MMD2: variants seen among roughly 807,000 people sequenced by gnomAD.
The protein encoded by MMD2 is monocyte to macrophage differentiation factor 2.
MMD2 carries 30 observed loss-of-function variants against 33.5 expected under a neutral mutation model. The observed-to-expected ratio is 0.90, with a 90% confidence interval of 0.67 to 1.22. MMD2 has a LOEUF of 1.22. Ranked by LOEUF, MMD2 falls within the 50% of genes most tolerant of loss-of-function variation. The probability of loss-of-function intolerance (pLI) is 0.00; values close to 1 mark genes in which losing one functional copy is unlikely to be tolerated. For missense variants in MMD2, 364 were observed against 325.4 expected (o/e 1.12, Z -0.91); for synonymous variants, 129 against 123.0 (o/e 1.05, Z -0.32).
chr7:4,896,532 T>C, the MMD2 span, among the ~76,000 whole-genome samples: 2 of 152,032 alleles, frequency 1.3e-5, no homozygotes, highest in African/African-American at 4.8e-5. Flanking sequence ...CCCAGCTGGG[T>C]CCCTAGCCAG....
intron 1 of MMD2, among the ~76,000 whole-genome samples, chr7:4,956,011 C>T (rs1318417386): frequency 6.6e-6 from 1 of 152,086 alleles, no homozygotes; most frequent in Non-Finnish European, 1.5e-5. Flanking sequence ...AGAGATTGCG[C>T]CATTGCACTC....
At position 4,909,887 on chromosome 7, in the gene MMD2, G is replaced by A. The variant is rs766896085; in HGVS notation, c.531C>T (p.Leu177=). ...VMGFFPALVI[L]SMPNTEGIWE... Reference sequence around the variant, plus strand: ...CAGGGCTGGCAGCACTTACCATGGAGAGGATGACCAGGGCGGGGAAGAAGC... The same window carrying A: ...CAGGGCTGGCAGCACTTACCATGGAAAGGATGACCAGGGCGGGGAAGAAGC... The change falls in exon 6 of 7, where the codon CTC becomes CTT. Residue 177 remains leucine, a synonymous_variant. Coordinates refer to ENST00000401401, the MANE Select transcript of MMD2 (RefSeq NM_198403.4). 15 of 1,612,666 alleles carry A rather than the reference G, an allele frequency of 9.3e-6. No homozygotes were observed. The Admixed American group carries it at 2.3e-4, about 25-fold the overall frequency.
chr7:4,952,484 C>G (rs889491323), intron 1 of MMD2, among the ~76,000 whole-genome samples: 3 of 152,212 alleles, frequency 2.0e-5, no homozygotes, highest in African/African-American at 7.2e-5. Context: ...ATAGGCCGGG[C>G]GGCCACTGCC....
chr7:4,935,376 T>C (rs1785710035), intron 1 of MMD2, among the ~76,000 whole-genome samples: 2 of 149,824 alleles, frequency 1.3e-5, no homozygotes, highest in Admixed American at 6.7e-5. Flanking sequence ...TACTGACGAC[T>C]GGGCTCCACA....
At chr7:4,921,846 C>T (rs978910189) in intron 2 of MMD2, among the ~76,000 whole-genome samples, 1 of 152,140 alleles carries the variant, frequency 6.6e-6, no homozygotes, top group Non-Finnish European at 1.5e-5. Flanking sequence ...CCTTCAGCCA[C>T]CCACATGTCC....
the MMD2 span, among the ~76,000 whole-genome samples, chr7:4,894,394 G>A: frequency 6.6e-6 from 1 of 152,158 alleles, no homozygotes; most frequent in East Asian, 1.9e-4. This position sits in a 1 kb window ranked among gnomAD's most constrained non-coding sequence, Gnocchi z 4.3. Flanking sequence ...TCTGATCCTG[G>A]AGGGACTACC....
chr7:4,957,640 A>C, intron 1 of MMD2, among the ~76,000 whole-genome samples: 1 of 144,138 alleles, frequency 6.9e-6, no homozygotes, highest in Non-Finnish European at 1.6e-5. Context: ...CAAGAGCGAG[A>C]CTCCATCTCA....
At chr7:4,932,281 AG>A (rs1785609059) in intron 1 of MMD2, among the ~76,000 whole-genome samples, 1 of 152,184 alleles carries the variant, frequency 6.6e-6, no homozygotes, top group Admixed American at 6.6e-5. Flanking sequence ...CAAACGACCA[AG>A]AAACAGTGTT....
chr7:4,917,105 C>T (rs1435091273), intron 3 of MMD2, among the ~76,000 whole-genome samples: 1 of 152,022 alleles, frequency 6.6e-6, no homozygotes, highest in Non-Finnish European at 1.5e-5. Context: ...AAATTACGTG[C>T]CCCTCAAGAC....
At chr7:4,923,309 G>A (rs1785334508) in intron 2 of MMD2, among the ~76,000 whole-genome samples, 1 of 152,002 alleles carries the variant, frequency 6.6e-6, no homozygotes, top group South Asian at 2.1e-4. Flanking sequence ...TCACCATGTT[G>A]GCCAGGCTGG....
intron 1 of MMD2, among the ~76,000 whole-genome samples, chr7:4,953,337 T>G (rs1015461543): frequency 1.1e-4 from 16 of 151,106 alleles, no homozygotes; most frequent in Non-Finnish European, 1.8e-4. Flanking sequence ...TATCAACACA[T>G]TCCTACAACT....
chr7:4,957,653 A>C (rs1371909240), intron 1 of MMD2, among the ~76,000 whole-genome samples: 1 of 150,328 alleles, frequency 6.7e-6, no homozygotes, highest in African/African-American at 2.4e-5. Context: ...CCATCTCAGA[A>C]AAAAAAAAAA....
the MMD2 span, among the ~76,000 whole-genome samples, chr7:4,899,336 A>C: frequency 3.3e-5 from 5 of 152,190 alleles, no homozygotes; most frequent in African/African-American, 1.2e-4. Flanking sequence ...ATCAGAGCAT[A>C]TCACCAAAGT....
chr7:4,946,071 A>G lies in MMD2; in HGVS notation c.47+12900T>C, dbSNP rs1051903446. ...TCTCTGGGGCAAAATGCACACACTC[A>G]CACGCACGCACACGCACGCACACAC... is the stretch of plus-strand genomic sequence containing the variant. On this transcript the variant is annotated intron_variant, in intron 1 of 6. Transcript: ENST00000401401. This position sits in a 1 kb window ranked among gnomAD's most constrained non-coding sequence, Gnocchi z 5.0. 3.3e-5 allele frequency among the ~76,000 whole-genome samples: 5 copies of G among 151,664 alleles called. No homozygotes were observed. Among genetic ancestry groups the G allele is most frequent in the Non-Finnish European group, 7.4e-5 (5 of 67,918 alleles).
At chr7:4,937,901 G>C (rs188165848) in intron 1 of MMD2, among the ~76,000 whole-genome samples, 1 of 151,178 alleles carries the variant, frequency 6.6e-6, no homozygotes, top group African/African-American at 2.4e-5. Context: ...CTCCTCCTTT[G>C]GCCTCCCAAA....
intron 1 of MMD2, among the ~76,000 whole-genome samples, chr7:4,928,348 T>C (rs1175761379): frequency 1.3e-5 from 2 of 152,116 alleles, no homozygotes; most frequent in African/African-American, 2.4e-5. Flanking sequence ...ATTCAGCATC[T>C]CCGGTGTGCT....
chr7:4,906,545 G>A lies in MMD2; in HGVS notation c.*851C>T. The A allele has an allele frequency of 2.5e-6, 1 of 398,602 alleles. No homozygotes were observed. 24.7% of individuals were successfully genotyped at this position (398,602 alleles called of 1,614,324 possible). A position where few individuals can be genotyped will look rare whatever the true frequency, so the allele number is the denominator to read the frequency against. ...GTAATGTCTCTGGATTTTTGGAGAT[G>A]GGAAGAAATGGCCAAGTAACAGCAT... On this transcript the variant is annotated 3_prime_UTR_variant, in exon 7 of 7. Coordinates refer to ENST00000401401, the MANE Select transcript of MMD2 (RefSeq NM_198403.4).
chr7:4,899,440 G>A, the MMD2 span, among the ~76,000 whole-genome samples: 1 of 151,554 alleles, frequency 6.6e-6, no homozygotes, highest in African/African-American at 2.4e-5. Context: ...CCAGGCTGGA[G>A]TGCAGTACCA....
downstream of MMD2, among the ~76,000 whole-genome samples, chr7:4,905,831 C>G (rs575144508): frequency 1.3e-5 from 2 of 152,128 alleles, no homozygotes. This position sits in a 1 kb window ranked among gnomAD's most constrained non-coding sequence, Gnocchi z 5.0. Flanking sequence ...TCAGGCTTAC[C>G]GAAGACAGCT....
Sources: allele counts gnomAD v4.1 joint callset (sites outside exome capture counted in the v4.1 genomes callset), GRCh38; gene constraint gnomAD v4.1.1; non-coding constraint Gnocchi (gnomAD v3.1); transcripts MANE v1.5; gene names NCBI Gene and HGNC (gene_info 2026-07-23, HGNC 2026-07-21).